The following VEGFC variants were observed in gnomAD, a reference collection of about 807,000 sequenced individuals.
The protein encoded by VEGFC is vascular endothelial growth factor C, also known as FLT4 ligand DHM.
A neutral mutation model predicts 46.1 loss-of-function variants in VEGFC; 12 were observed. The observed-to-expected ratio is 0.26, with a 90% CI of 0.17 to 0.42. The LOEUF is 0.42. Among genes scored for constraint, VEGFC ranks in the 10% least tolerant of loss-of-function variants. The pLI, the probability that VEGFC is intolerant of heterozygous loss-of-function variation, is 1.00. For synonymous variants in VEGFC, 232 were observed against 195.5 expected (o/e 1.19, Z -1.56); for missense variants, 488 against 529.4 (o/e 0.92, Z 0.77).
At chr4:176,711,308 C>T (rs775185924) in intron 4 of VEGFC, among the ~76,000 whole-genome samples, 191 bp downstream of exon 4, 8 of 152,094 alleles carry the variant, frequency 5.3e-5, no homozygotes, top group South Asian at 2.1e-4. Flanking sequence ...CTCTAAAATA[C>T]GCTTCCCACT....
At chr4:176,761,026 C>T (rs1735521521) in intron 1 of VEGFC, among the ~76,000 whole-genome samples, 1 of 152,154 alleles carries the variant, frequency 6.6e-6, no homozygotes, top group East Asian at 1.9e-4. Context: ...AAGTGATTTC[C>T]TCCACTTCAG....
intron 4 of VEGFC, among the ~76,000 whole-genome samples, chr4:176,692,501 T>C (rs1182447842): frequency 7.5e-6 from 1 of 133,936 alleles, no homozygotes; most frequent in Non-Finnish European, 1.5e-5. Flanking sequence ...CGCTGATTGC[T>C]AGCACAGCAG....
chr4:176,742,310 C>T (rs772392326), intron 1 of VEGFC, among the ~76,000 whole-genome samples: 2 of 152,046 alleles, frequency 1.3e-5, no homozygotes, highest in Admixed American at 6.6e-5. Context: ...GTATGTACCA[C>T]ATTTTCTGTA....
chr4:176,784,299 G>C (rs886455508), intron 1 of VEGFC, among the ~76,000 whole-genome samples: 1 of 151,496 alleles, frequency 6.6e-6, no homozygotes, highest in African/African-American at 2.4e-5. Context: ...CAAACTCCTG[G>C]GTTCAAGTGA....
At chr4:176,740,990 A>G (rs935832162) in intron 1 of VEGFC, among the ~76,000 whole-genome samples, 6 of 152,010 alleles carry the variant, frequency 3.9e-5, no homozygotes, top group Non-Finnish European at 8.8e-5. Flanking sequence ...AACCAAAAAG[A>G]GGAATATAAA....
intron 4 of VEGFC, 146 bp from the exon 5 acceptor site, chr4:176,688,073 A>C: frequency 1.9e-6 from 1 of 538,798 alleles, no homozygotes; most frequent in South Asian, 3.0e-5. Flanking sequence ...GTTTTCTCCC[A>C]AACTCTCTCT....
intron 3 of VEGFC, among the ~76,000 whole-genome samples, chr4:176,712,875 A>T (rs150635139): frequency 1.5e-4 from 23 of 152,336 alleles, no homozygotes; most frequent in Non-Finnish European, 3.1e-4. Context: ...AAATGTAACT[A>T]CTTTCTTTAG....
At chr4:176,684,131 G>A in intron 6 of VEGFC, 91 bp from the exon 7 acceptor site, 1 of 952,210 alleles carries the variant, frequency 1.1e-6, no homozygotes, top group Non-Finnish European at 1.6e-6. Context: ...TTAAATTTCA[G>A]ACTGGAATAA....
At chr4:176,763,525 A>G (rs1229826610) in intron 1 of VEGFC, among the ~76,000 whole-genome samples, 1 of 152,186 alleles carries the variant, frequency 6.6e-6, no homozygotes, top group African/African-American at 2.4e-5. Flanking sequence ...ATAAAACTCA[A>G]TGGGACTGGT....
rs573120853 is a variant in VEGFC, at chr4:176,721,262, C to T, written c.552+6516G>A. Among the ~76,000 whole-genome samples the T allele has an allele frequency of 5.9e-5, 9 of 152,250 alleles. No homozygotes were observed. In the South Asian group the frequency reaches 1.7e-3, roughly 28 times the overall value. ...TGAAAGAAGAGTTCCATTCAAAACA[C>T]TAACAACTTAGAACATTTGTACCAA... On this transcript the variant is annotated intron_variant, in intron 3 of 6. Coordinates refer to ENST00000618562, the MANE Select transcript of VEGFC (RefSeq NM_005429.5).
intron 3 of VEGFC, among the ~76,000 whole-genome samples, chr4:176,719,168 C>A (rs1734741028): frequency 6.6e-6 from 1 of 152,122 alleles, no homozygotes; most frequent in Admixed American, 6.5e-5. Context: ...TTTAAAAAAG[C>A]ATTTCTATGA....
rs1733984296 is a variant in VEGFC, at chr4:176,683,761, T to A, written c.*165A>T. The A allele has an allele frequency of 2.1e-6, 1 of 483,564 alleles. No individual in the cohort carries two copies. The highest frequency in any genetic ancestry group is 3.6e-5 in the Admixed American group (1 of 27,690). The allele number at this position is 483,564 out of a possible 1,614,324, so 30.0% of individuals were successfully genotyped here. A position where few individuals can be genotyped will look rare whatever the true frequency, so the allele number is the denominator to read the frequency against. On this transcript the variant is annotated 3_prime_UTR_variant, in exon 7 of 7. Coordinates refer to ENST00000618562, the MANE Select transcript of VEGFC (RefSeq NM_005429.5). ...GTCTTTACAAGAGGCCTTTTGCAGA[T>A]GAGCTCCAGTCCATTTCTGTAAAGT... is the stretch of plus-strand genomic sequence containing the variant.
rs760870718 is a variant in VEGFC at position 176,711,472 on chromosome 4, GA to G, written c.704+26del. 1.3e-5 allele frequency: 21 copies of G among 1,583,874 alleles called. No homozygotes were observed. The East Asian group carries it at 4.5e-4, about 34-fold the overall frequency. Reference sequence around the variant, plus strand: ...TAATTTAATATTAGTAGAGGATGCAGAAAAAATAGATTTAATTCATACTCAC... The same window carrying G: ...TAATTTAATATTAGTAGAGGATGCAGAAAAATAGATTTAATTCATACTCAC... On this transcript the variant is annotated intron_variant, in intron 4 of 6. Coordinates refer to ENST00000618562, the MANE Select transcript of VEGFC (RefSeq NM_005429.5).
At chr4:176,765,566 T>TC (rs1406925295) in intron 1 of VEGFC, among the ~76,000 whole-genome samples, 2 of 149,612 alleles carry the variant, frequency 1.3e-5, no homozygotes, top group African/African-American at 2.5e-5. Context: ...TTTTTTTTTT[T>TC]TTTTTTTGAG....
At chr4:176,688,937 C>T (rs941078046) in intron 4 of VEGFC, among the ~76,000 whole-genome samples, 8 of 152,178 alleles carry the variant, frequency 5.3e-5, no homozygotes, top group African/African-American at 1.9e-4. Context: ...CATCAGATCA[C>T]ATTACTACTA....
At chr4:176,752,383 G>A (rs1450597189) in intron 1 of VEGFC, among the ~76,000 whole-genome samples, 1 of 152,058 alleles carries the variant, frequency 6.6e-6, no homozygotes, top group Non-Finnish European at 1.5e-5. Flanking sequence ...CGAATGGCCT[G>A]CTGACTTTCT....
Position 176,729,580 on chromosome 4 carries a change from T to C in VEGFC, c.314A>G (p.Glu105Gly), listed in dbSNP as rs765769183. Residue 105 changes from glutamate to glycine, a missense_variant, in exon 2 of 7, where the codon GAG becomes GGG. Physicochemically the swap from Glu to Gly is moderately conservative, Grantham distance 98 (BLOSUM62 -2). Transcript: ENST00000618562. Reference protein sequence around the residue: ...EQANLNSRTEETIKFAAAHYN... With the variant: ...EQANLNSRTEGTIKFAAAHYN... ...ATGTGCTGCAGCAAATTTTATAGTC[T>C]CTTCTGTCCTTGAGTTGAGGTTGGC... is the stretch of plus-strand genomic sequence containing the variant. 1 of 1,613,784 alleles carries C rather than the reference T, an allele frequency of 6.2e-7. No homozygotes were observed. Among genetic ancestry groups the C allele is most frequent in the East Asian group, 2.2e-5 (1 of 44,856 alleles).
chr4:176,751,803 G>C (rs1735346575), intron 1 of VEGFC, among the ~76,000 whole-genome samples: 1 of 151,910 alleles, frequency 6.6e-6, no homozygotes, highest in African/African-American at 2.4e-5. Flanking sequence ...AGGGGAATGA[G>C]ATTTCTGAAG....
intron 1 of VEGFC, among the ~76,000 whole-genome samples, chr4:176,744,227 A>G (rs1479776591): frequency 6.6e-6 from 1 of 152,082 alleles, no homozygotes; most frequent in African/African-American, 2.4e-5. Flanking sequence ...AATTATTTCA[A>G]TGAACTAAAT....
Sources: gnomAD v4.1 joint callset for allele counts (sites outside exome capture counted in the v4.1 genomes callset) on GRCh38, gnomAD v4.1.1 for gene constraint, MANE v1.5 for transcripts, NCBI Gene and HGNC (gene_info 2026-07-23, HGNC 2026-07-21) for gene names.